The following KCNIP4 variants were observed in gnomAD, a reference collection of about 807,000 sequenced individuals.
KCNIP4 encodes potassium voltage-gated channel interacting protein 4, also known as Kv channel-interacting protein 4.
KCNIP4 carries 12 observed loss-of-function variants against 34.0 expected under a neutral mutation model. The ratio of observed to expected loss-of-function variants is 0.35; its 90% CI spans 0.23 to 0.57. The LOEUF (loss-of-function observed/expected upper bound fraction) is 0.57, where lower values mean the gene tolerates loss of function less well. Ranked by LOEUF, KCNIP4 falls within the 20% of genes least tolerant of loss-of-function variation. The probability of loss-of-function intolerance (pLI) is 0.83; values close to 1 mark genes in which losing one functional copy is unlikely to be tolerated. For missense variants in KCNIP4, 238 were observed against 311.7 expected (o/e 0.76, Z 1.78); for synonymous variants, 124 against 102.2 (o/e 1.21, Z -1.29).
intron 1 of KCNIP4, among the ~76,000 whole-genome samples, chr4:21,215,202 G>A (rs1002391759): frequency 2.0e-5 from 3 of 152,050 alleles, no homozygotes; most frequent in Non-Finnish European, 2.9e-5. Context: ...TCTTGAAGTC[G>A]TTTAAAAGGA....
intron 1 of KCNIP4, among the ~76,000 whole-genome samples, chr4:21,689,789 A>G (rs1751113462): frequency 6.6e-6 from 1 of 152,020 alleles, no homozygotes. Context: ...TTCTATGCCC[A>G]CCCTGGCCAC....
intron 1 of KCNIP4, among the ~76,000 whole-genome samples, chr4:21,210,357 C>A (rs1404379003): frequency 6.6e-6 from 1 of 152,132 alleles, no homozygotes; most frequent in Non-Finnish European, 1.5e-5. Context: ...GCGAGATTTT[C>A]TGTCATCAAA....
intron 1 of KCNIP4, among the ~76,000 whole-genome samples, chr4:21,733,100 T>C (rs528862267): frequency 9.8e-5 from 15 of 152,312 alleles, no homozygotes; most frequent in African/African-American, 3.1e-4. Context: ...AAGACTTTCC[T>C]TGGGCACTCA....
intron 1 of KCNIP4, among the ~76,000 whole-genome samples, chr4:21,919,603 A>G (rs1728829654): frequency 6.6e-6 from 1 of 152,174 alleles, no homozygotes; most frequent in Admixed American, 6.5e-5. Context: ...CTCCTGGGAT[A>G]AATTATGATG....
intron 5 of KCNIP4, among the ~76,000 whole-genome samples, chr4:20,748,703 C>A (rs1685472623): frequency 6.7e-6 from 1 of 148,978 alleles, no homozygotes; most frequent in South Asian, 2.1e-4. Context: ...ACAACCCAAT[C>A]AGAATGTAAC....
intron 1 of KCNIP4, among the ~76,000 whole-genome samples, chr4:21,789,357 C>A (rs1025416992): frequency 1.3e-5 from 2 of 152,018 alleles, no homozygotes; most frequent in Admixed American, 1.3e-4. Flanking sequence ...CAATTTATCT[C>A]TAATAGAAGA....
Position 21,496,706 on chromosome 4 carries a change from C to T in KCNIP4, c.61+451865G>A, listed in dbSNP as rs528562171. 3.9e-4 allele frequency among the ~76,000 whole-genome samples: 59 copies of T among 152,268 alleles called. No individual in the cohort carries two copies. In the South Asian group the frequency reaches 0.011, roughly 29 times the overall value. ...AACCGGCTGCACAGCCAGAGGTGAGCGACTGGTGAGCAGGCATTACTGCCT... is the reference window on the plus strand; with the variant it reads ...AACCGGCTGCACAGCCAGAGGTGAGTGACTGGTGAGCAGGCATTACTGCCT... On this transcript the variant is annotated intron_variant, in intron 1 of 8. Coordinates refer to ENST00000382152, the MANE Select transcript of KCNIP4 (RefSeq NM_025221.6).
chr4:21,716,365 T>C (rs746635718), intron 1 of KCNIP4, among the ~76,000 whole-genome samples: 44 of 152,070 alleles, frequency 2.9e-4, no homozygotes, highest in Non-Finnish European at 5.4e-4. Flanking sequence ...GTCTCCTGAG[T>C]GGCTGTGATT....
intron 1 of KCNIP4, among the ~76,000 whole-genome samples, chr4:21,570,403 C>G (rs12645697): frequency 0.18 from 27,770 of 151,924 alleles, 2,845 homozygotes; most frequent in East Asian, 0.32. Flanking sequence ...TGGTGATTCC[C>G]TGATGTAGGT....
chr4:21,158,790 A>G (rs950003221), intron 1 of KCNIP4, among the ~76,000 whole-genome samples: 10 of 152,112 alleles, frequency 6.6e-5, no homozygotes, highest in Admixed American at 6.6e-5. Flanking sequence ...AGCCAGTGCA[A>G]CAACAAAAAA....
intron 1 of KCNIP4, among the ~76,000 whole-genome samples, chr4:21,834,744 C>T (rs1723212379): frequency 6.6e-6 from 1 of 151,532 alleles, no homozygotes; most frequent in South Asian, 2.1e-4. Context: ...ATAGATAGCT[C>T]TTATTATTTT....
chr4:21,308,881 T>A (rs1043747671), intron 1 of KCNIP4, among the ~76,000 whole-genome samples: 2 of 152,120 alleles, frequency 1.3e-5, no homozygotes, highest in African/African-American at 4.8e-5. Context: ...TAAAGAAGTT[T>A]CTTCAAAGCA....
chr4:21,773,940 T>A (rs10016234), intron 1 of KCNIP4, among the ~76,000 whole-genome samples: 55,858 of 151,762 alleles, frequency 0.37, 12,129 homozygotes, highest in Non-Finnish European at 0.5. Flanking sequence ...CATTTACATT[T>A]ATGGTTAATA....
chr4:21,909,268 C>T (rs1728166543), intron 1 of KCNIP4, among the ~76,000 whole-genome samples: 1 of 152,044 alleles, frequency 6.6e-6, no homozygotes, highest in Non-Finnish European at 1.5e-5. Context: ...TCTTATATTC[C>T]CGTGCCCCTC....
chr4:21,491,658 C>T (rs1732408851), intron 1 of KCNIP4, among the ~76,000 whole-genome samples: 1 of 152,172 alleles, frequency 6.6e-6, no homozygotes, highest in Admixed American at 6.6e-5. Context: ...CAGGCATAAG[C>T]CACCACACCT....
intron 1 of KCNIP4, among the ~76,000 whole-genome samples, chr4:21,239,851 T>C (rs1381872996): frequency 6.6e-6 from 1 of 152,174 alleles, no homozygotes; most frequent in Non-Finnish European, 1.5e-5. Context: ...AAATACCATT[T>C]GACCCAGCCA....
intron 3 of KCNIP4, among the ~76,000 whole-genome samples, chr4:20,837,764 C>A (rs990110586): frequency 4.6e-5 from 7 of 150,888 alleles, no homozygotes; most frequent in African/African-American, 1.7e-4. Flanking sequence ...TCACTGCAAC[C>A]TCTGCCTCCC....
At chr4:21,605,701 G>C (rs778768048) in intron 1 of KCNIP4, among the ~76,000 whole-genome samples, 3 of 152,068 alleles carry the variant, frequency 2.0e-5, no homozygotes, top group Non-Finnish European at 2.9e-5. Context: ...GGCTGGTCTC[G>C]AATTCCTGAC....
chr4:21,586,517 G>T (rs773278326), intron 1 of KCNIP4, among the ~76,000 whole-genome samples: 26 of 152,108 alleles, frequency 1.7e-4, no homozygotes, highest in Admixed American at 8.5e-4. Flanking sequence ...CAGTTAAGGG[G>T]AGATTTTTTT....
Sources: allele counts gnomAD v4.1 joint callset (sites outside exome capture counted in the v4.1 genomes callset), GRCh38; gene constraint gnomAD v4.1.1; transcripts MANE v1.5; gene names NCBI Gene and HGNC (gene_info 2026-07-23, HGNC 2026-07-21).